The following C10orf71 variants were observed in gnomAD, a reference collection of about 807,000 sequenced individuals.
C10orf71 encodes cardiac-enriched FHL2-interacting protein.
For synonymous variants in C10orf71, 758 were observed against 726.3 expected (o/e 1.04, Z -0.70); for missense variants, 1,869 against 1,804.5 (o/e 1.04, Z -0.65).
Position 49,323,504 on chromosome 10 carries a change from GCA to G in C10orf71, c.962_963del (p.Thr321SerfsTer50), listed in dbSNP as rs1564690362. On this transcript the variant is annotated frameshift_variant, in exon 3 of 3. Transcript: ENST00000374144. LOFTEE classifies it low-confidence loss of function (END_TRUNC). ...CTAAGAGAACCCTGTCCTCCTGAGC[GCA>G]CAGTCTCTCCCTGCCAGGTCCAGGC... 6 of 1,612,664 alleles carry G rather than the reference GCA, an allele frequency of 3.7e-6. No individual in the cohort carries two copies. The South Asian group carries it at 6.6e-5, about 18-fold the overall frequency.
At chr10:49,305,839 T>G (rs570998100) in intron 1 of C10orf71, among the ~76,000 whole-genome samples, 12 of 152,374 alleles carry the variant, frequency 7.9e-5, no homozygotes, top group African/African-American at 2.2e-4. Context: ...AGAGTTTTTT[T>G]TAAATCACTA....
At position 49,322,589 on chromosome 10, in the gene C10orf71, C is replaced by T. The variant is rs1453232257; in HGVS notation, c.44C>T (p.Ser15Phe). ...AAGTGCACAGACGCGTTCAGCGACT[C>T]CTCCAGCATCGGCAGCGTGTTGGAT... ...NKKCTDAFSD[S>F]SSIGSVLDDA... The change falls in exon 3 of 3, where the codon TCC becomes TTC. Residue 15 changes from serine to phenylalanine, a missense_variant. Coordinates refer to ENST00000374144, the MANE Select transcript of C10orf71 (RefSeq NM_001135196.2). 6.2e-7 allele frequency: 1 copy of T among 1,612,590 alleles called. No individual in the cohort carries two copies. The highest frequency in any genetic ancestry group is 8.5e-7 in the Non-Finnish European group (1 of 1,179,244).
chr10:49,327,072 C>T lies in C10orf71; in HGVS notation c.*219C>T, dbSNP rs1564695003. 6.6e-7 allele frequency: 1 copy of T among 1,505,114 alleles called. No homozygotes were observed. The highest frequency in any genetic ancestry group is 9.0e-7 in the Non-Finnish European group (1 of 1,117,258). 93.2% of individuals were successfully genotyped at this position (1,505,114 alleles called of 1,614,324 possible). Reference sequence around the variant, plus strand: ...CCCTGGCTCTCCTCTGATGGAGGGGCACTGCTTGCTTGGCCCGGTCCCCTC... The same window carrying T: ...CCCTGGCTCTCCTCTGATGGAGGGGTACTGCTTGCTTGGCCCGGTCCCCTC... On this transcript the variant is annotated 3_prime_UTR_variant, in exon 3 of 3. Coordinates refer to ENST00000374144, the MANE Select transcript of C10orf71 (RefSeq NM_001135196.2).
chr10:49,327,279 C>T lies in C10orf71; in HGVS notation c.*426C>T. On this transcript the variant is annotated 3_prime_UTR_variant, in exon 3 of 3. Coordinates refer to ENST00000374144, the MANE Select transcript of C10orf71 (RefSeq NM_001135196.2). ...ACTCACTTGTAAGCTCCTTGATGAG[C>T]AAACCCCTAAGGCCCCCAGCTCAGA... The T allele has an allele frequency of 3.2e-6, 1 of 310,926 alleles. No homozygotes were observed. Among genetic ancestry groups the T allele is most frequent in the South Asian group, 3.1e-5 (1 of 32,176 alleles). The allele number at this position is 310,926 out of a possible 1,614,324, so 19.3% of individuals were successfully genotyped here.
Position 49,323,815 on chromosome 10 carries a change from A to C in C10orf71, c.1270A>C (p.Asn424His). 1 of 1,613,930 alleles carries C rather than the reference A, an allele frequency of 6.2e-7. No homozygotes were observed. The highest frequency in any genetic ancestry group is 8.5e-7 in the Non-Finnish European group (1 of 1,179,882). Residue 424 changes from asparagine (N) to histidine (H), a missense_variant, in exon 3 of 3, where the codon AAC becomes CAC. Coordinates refer to ENST00000374144, the MANE Select transcript of C10orf71 (RefSeq NM_001135196.2). ...CAACCCCCAGGAACAGTTTTCAGAA[A>C]ACAATGCTCTTGACCTGCCTGTGGA... ...KHNPQEQFSE[N>H]NALDLPVEPN...
At chr10:49,303,005 T>G (rs1471858641) in intron 1 of C10orf71, among the ~76,000 whole-genome samples, 1 of 152,222 alleles carries the variant, frequency 6.6e-6, no homozygotes, top group East Asian at 1.9e-4. Context: ...AGCAAATGTA[T>G]GAAAAGTTCC....
intron 2 of C10orf71, among the ~76,000 whole-genome samples, chr10:49,318,678 C>A (rs1405777440): frequency 3.9e-5 from 6 of 152,234 alleles, no homozygotes; most frequent in African/African-American, 1.4e-4. Context: ...GAAGCCTGGC[C>A]TCCAGGATTA....
chr10:49,303,608 G>C (rs550650392), intron 1 of C10orf71, among the ~76,000 whole-genome samples: 3 of 152,232 alleles, frequency 2.0e-5, no homozygotes, highest in African/African-American at 4.8e-5. Context: ...GAAGGGAAAG[G>C]GGGGCAAGGG....
upstream of C10orf71, among the ~76,000 whole-genome samples, chr10:49,298,245 G>A (rs933594814): frequency 6.6e-6 from 1 of 152,228 alleles, no homozygotes; most frequent in African/African-American, 2.4e-5. Context: ...CAGAGGCTTT[G>A]AGCGCTGCAC....
At chr10:49,309,098 GACC>G (rs549989451) in intron 1 of C10orf71, among the ~76,000 whole-genome samples, 5 of 152,300 alleles carry the variant, frequency 3.3e-5, no homozygotes, top group Admixed American at 3.3e-4. Context: ...TGCAGGGGTC[GACC>G]TGCTGCTTCA....
intron 1 of C10orf71, among the ~76,000 whole-genome samples, chr10:49,311,941 A>G (rs1848921142): frequency 6.6e-6 from 1 of 152,240 alleles, no homozygotes; most frequent in South Asian, 2.1e-4. Flanking sequence ...ATCCCAGTCA[A>G]TAATAACAGC....
chr10:49,306,100 G>A (rs934431080), intron 1 of C10orf71, among the ~76,000 whole-genome samples: 3 of 152,308 alleles, frequency 2.0e-5, no homozygotes, highest in African/African-American at 7.2e-5. Flanking sequence ...CCATTCACTC[G>A]CTCCCTGTCG....
At position 49,326,283 on chromosome 10, in the gene C10orf71, C is replaced by T. The variant is rs747872895; in HGVS notation, c.3738C>T (p.Ser1246=). 2.6e-6 allele frequency: 4 copies of T among 1,549,928 alleles called. No individual in the cohort carries two copies. The highest frequency in any genetic ancestry group is 2.7e-5 in the African/African-American group (2 of 73,042). ...TGCCCCCTCCCGTGCACCGCCACTC[C>T]GTGTCCGGCTTCTCGGAGCCTGTCG... ...RSLPPPVHRH[S]VSGFSEPVGR... is the part of the protein sequence containing the mutation. The change falls in exon 3 of 3, where the codon TCC becomes TCT. Residue 1246 remains serine, a synonymous_variant. Coordinates refer to ENST00000374144, the MANE Select transcript of C10orf71 (RefSeq NM_001135196.2).
chr10:49,312,073 G>C (rs145850353), intron 1 of C10orf71, among the ~76,000 whole-genome samples: 42 of 152,276 alleles, frequency 2.8e-4, no homozygotes, highest in Non-Finnish European at 5.4e-4. Flanking sequence ...CTGATTCATG[G>C]GGATACATGT....
At chr10:49,319,675 A>T (rs1299559410) in intron 2 of C10orf71, among the ~76,000 whole-genome samples, 3 of 103,262 alleles carry the variant, frequency 2.9e-5, no homozygotes, top group African/African-American at 1.0e-4. Flanking sequence ...ATGTACACAC[A>T]CACAAGCTAT....
rs759592630 is a variant in C10orf71, at chr10:49,324,294, C to G, written c.1749C>G (p.Pro583=). 6.2e-7 allele frequency: 1 copy of G among 1,613,920 alleles called. No individual in the cohort carries two copies. Among genetic ancestry groups the G allele is most frequent in the East Asian group, 2.2e-5 (1 of 44,866 alleles). ...QKDPTADPSE[P]SADSYLTLST... ...ACCCTACAGCTGACCCCAGTGAGCC[C>G]TCTGCAGACAGCTATCTAACTCTTA... The change falls in exon 3 of 3, where the codon CCC becomes CCG. Residue 583 remains proline (P), a synonymous_variant. Transcript: ENST00000374144.
In C10orf71 at chr10:49,323,636, A is replaced by G; in HGVS notation, c.1091A>G (p.Lys364Arg). Reference sequence around the variant, plus strand: ...GCCCAGGTATTTGCTGTGGAAGGAAAAGCTCCCAGCTCACAACCTGATTCT... The same window carrying G: ...GCCCAGGTATTTGCTGTGGAAGGAAGAGCTCCCAGCTCACAACCTGATTCT... The part of the protein sequence containing the change: ...PGAQVFAVEG[K>R]APSSQPDSQE... The change falls in exon 3 of 3, where the codon AAA (lysine) becomes AGA (arginine). Residue 364 changes from lysine (K) to arginine (R), a missense_variant. Lys to Arg is a conservative substitution (Grantham distance 26). Transcript: ENST00000374144. 1 of 1,605,812 alleles carries G rather than the reference A, an allele frequency of 6.2e-7. No homozygotes were observed. Among genetic ancestry groups the G allele is most frequent in the Non-Finnish European group, 8.5e-7 (1 of 1,177,452 alleles).
intron 1 of C10orf71, among the ~76,000 whole-genome samples, chr10:49,305,095 A>C (rs1166202503): frequency 6.6e-6 from 1 of 152,208 alleles, no homozygotes. Context: ...TTTGCACCCC[A>C]TGCTATGGAA....
rs770147333 is a variant in C10orf71, at chr10:49,322,754, G to A, written c.209G>A (p.Arg70Lys). 5.0e-6 allele frequency: 8 copies of A among 1,613,610 alleles called. No individual in the cohort carries two copies. Among genetic ancestry groups the A allele is most frequent in the Non-Finnish European group, 5.1e-6 (6 of 1,179,676 alleles). The change falls in exon 3 of 3, where the codon AGA (arginine) becomes AAA (lysine). Residue 70 changes from arginine to lysine, a missense_variant. Transcript: ENST00000374144. ...TRQVFGTFHQ[R>K]TVGHTQRKSG... is the part of the protein sequence containing the mutation. Reference sequence around the variant, plus strand: ...CAGGTGTTTGGGACTTTTCACCAGAGAACAGTGGGCCACACCCAGAGGAAA... The same window carrying A: ...CAGGTGTTTGGGACTTTTCACCAGAAAACAGTGGGCCACACCCAGAGGAAA...
Sources: allele counts gnomAD v4.1 joint callset (sites outside exome capture counted in the v4.1 genomes callset), GRCh38; gene constraint gnomAD v4.1.1; transcripts MANE v1.5; gene names NCBI Gene and HGNC (gene_info 2026-07-23, HGNC 2026-07-21).